ARHGAP20: variants seen among roughly 807,000 people sequenced by gnomAD.
ARHGAP20 encodes Rho GTPase activating protein 20, also known as rho GTPase-activating protein 20.
A neutral mutation model predicts 73.7 loss-of-function variants in ARHGAP20; 34 were observed. The ratio of observed to expected loss-of-function variants is 0.46; its 90% CI spans 0.35 to 0.61. The LOEUF (loss-of-function observed/expected upper bound fraction) is 0.61. Ranked by LOEUF, ARHGAP20 falls within the 20% of genes least tolerant of loss-of-function variation. The pLI, the probability that ARHGAP20 is intolerant of heterozygous loss-of-function variation, is 0.00. For missense variants in ARHGAP20, 1,314 were observed against 1,420.9 expected, an observed-to-expected ratio of 0.92 and a Z score of 1.21; for synonymous variants, 523 against 518.2, an observed-to-expected ratio of 1.01 and a Z score of -0.13.
intron 2 of ARHGAP20, among the ~76,000 whole-genome samples, chr11:110,676,340 G>C (rs1949928144): frequency 6.6e-6 from 1 of 152,158 alleles, no homozygotes; most frequent in South Asian, 2.1e-4. Context: ...ATTTATAAAG[G>C]AAAGAGGTTT....
chr11:110,649,828 A>G lies in ARHGAP20; in HGVS notation c.189-19036T>C, dbSNP rs537370325. Reference sequence around the variant, plus strand: ...ATTTTGGACAGAAGCAGCAGTTTTGACAGTACTTTTTAAAATCTAGTTTTA... The same window carrying G: ...ATTTTGGACAGAAGCAGCAGTTTTGGCAGTACTTTTTAAAATCTAGTTTTA... On this transcript the variant is annotated intron_variant, in intron 2 of 14. Transcript: ENST00000683387. 3.9e-3 allele frequency among the ~76,000 whole-genome samples: 587 copies of G among 152,288 alleles called. 1 individual carries two copies. The highest frequency in any genetic ancestry group is 6.8e-3 in the Middle Eastern group (2 of 294).
intron 4 of ARHGAP20, among the ~76,000 whole-genome samples, chr11:110,621,452 C>CTT (rs34514430): frequency 2.0e-5 from 3 of 150,832 alleles, no homozygotes; most frequent in Non-Finnish European, 3.0e-5. Flanking sequence ...AAAATCTTTG[C>CTT]TTTTTTTTTC....
intron 2 of ARHGAP20, among the ~76,000 whole-genome samples, chr11:110,683,297 G>A (rs1950071030): frequency 6.6e-6 from 1 of 151,968 alleles, no homozygotes; most frequent in Non-Finnish European, 1.5e-5. Context: ...GAGCACTTGT[G>A]GCATTTTGCT....
chr11:110,684,118 A>G (rs1438485884), intron 2 of ARHGAP20, among the ~76,000 whole-genome samples: 1 of 152,138 alleles, frequency 6.6e-6, no homozygotes, highest in Non-Finnish European at 1.5e-5. Context: ...TTATATATAA[A>G]AAGATATATA....
In ARHGAP20 at chr11:110,712,362, G is replaced by C; in HGVS notation, c.-131C>G. On this transcript the variant is annotated 5_prime_UTR_variant, in exon 1 of 15. Coordinates refer to ENST00000683387, the MANE Select transcript of ARHGAP20 (RefSeq NM_001384657.1). ...GTGCTCAGGCAGGGAGCCGAGCTCCGGGTGCTCGCCGCGCGCCTCCCGTCG... is the reference window on the plus strand; with the variant it reads ...GTGCTCAGGCAGGGAGCCGAGCTCCCGGTGCTCGCCGCGCGCCTCCCGTCG... 1.5e-6 allele frequency: 1 copy of C among 651,156 alleles called. No individual in the cohort carries two copies. The allele number at this position is 651,156 out of a possible 1,614,324, so 40.3% of individuals were successfully genotyped here.
chr11:110,622,098 C>T (rs1381875677), intron 4 of ARHGAP20, among the ~76,000 whole-genome samples: 1 of 152,162 alleles, frequency 6.6e-6, no homozygotes, highest in East Asian at 1.9e-4. Context: ...GAGATTCTCC[C>T]CCTCATCCCA....
chr11:110,678,445 T>G (rs933272972), intron 2 of ARHGAP20, among the ~76,000 whole-genome samples: 2 of 152,308 alleles, frequency 1.3e-5, no homozygotes, highest in Admixed American at 1.3e-4. Flanking sequence ...AATTACATGA[T>G]CTGGGGAATT....
intron 2 of ARHGAP20, among the ~76,000 whole-genome samples, chr11:110,641,986 G>C (rs908068001): frequency 6.6e-5 from 10 of 151,960 alleles, no homozygotes; most frequent in African/African-American, 2.4e-4. Context: ...CAATGAACAA[G>C]GTCATCAATA....
At chr11:110,595,667 T>TGGAA (rs1565428780) in intron 9 of ARHGAP20, among the ~76,000 whole-genome samples, 2 of 152,170 alleles carry the variant, frequency 1.3e-5, no homozygotes, top group African/African-American at 4.8e-5. Flanking sequence ...TGGAAGAACA[T>TGGAA]TCCATGCTCA....
chr11:110,647,615 C>T (rs995725299), intron 2 of ARHGAP20, among the ~76,000 whole-genome samples: 2 of 151,840 alleles, frequency 1.3e-5, no homozygotes, highest in Non-Finnish European at 2.9e-5. Context: ...AAGGCACTAA[C>T]TTGTTTCAAA....
chr11:110,703,889 A>G lies in ARHGAP20; in HGVS notation c.105+8238T>C, dbSNP rs76406979. On this transcript the variant is annotated intron_variant, in intron 1 of 14. Transcript: ENST00000683387. ...CACTACATTTTTCACATAATGTTCC[A>G]TACAAAATGATATTTGTACAACCAT... is the stretch of plus-strand genomic sequence containing the variant. Among the ~76,000 whole-genome samples the G allele has an allele frequency of 3.5e-3, 527 of 152,304 alleles. 3 individuals carry two copies. The highest frequency in any genetic ancestry group is 0.012 in the African/African-American group (494 of 41,570).
At chr11:110,697,247 CTTTT>C (rs533912315) in intron 1 of ARHGAP20, among the ~76,000 whole-genome samples, 1 of 150,720 alleles carries the variant, frequency 6.6e-6, no homozygotes, top group African/African-American at 2.4e-5. Flanking sequence ...ATGCCAACAA[CTTTT>C]TTTTTGACTT....
chr11:110,700,330 GC>G (rs879798148), intron 1 of ARHGAP20, among the ~76,000 whole-genome samples: 14 of 151,986 alleles, frequency 9.2e-5, no homozygotes, highest in African/African-American at 1.2e-4. Context: ...CACTGGGAAA[GC>G]TTTTATAGAA....
intron 1 of ARHGAP20, among the ~76,000 whole-genome samples, chr11:110,698,825 C>T (rs1460244695): frequency 6.6e-6 from 1 of 151,702 alleles, no homozygotes; most frequent in Non-Finnish European, 1.5e-5. Context: ...GTTAATTTAG[C>T]CAGCAGTCTG....
chr11:110,609,153 C>CT lies in ARHGAP20; in HGVS notation c.709-104dup, dbSNP rs1948307760. On this transcript the variant is annotated intron_variant, in intron 7 of 14. Coordinates refer to ENST00000683387, the MANE Select transcript of ARHGAP20 (RefSeq NM_001384657.1). ...GGTTATGTGTCCTCCCTCCTGCCCC[C>CT]TACCCAGTGATAGTTAGAGATCCAT... The CT allele has an allele frequency of 3.9e-5, 36 of 931,136 alleles. 1 individual carries two copies. In the South Asian group the frequency reaches 5.2e-4, roughly 13 times the overall value. The allele number at this position is 931,136 out of a possible 1,614,324, so 57.7% of individuals were successfully genotyped here.
chr11:110,698,260 G>A (rs994731147), intron 1 of ARHGAP20, among the ~76,000 whole-genome samples: 1 of 151,760 alleles, frequency 6.6e-6, no homozygotes, highest in Non-Finnish European at 1.5e-5. Context: ...TTGCATCCCT[G>A]GGATAAAACA....
Position 110,624,197 on chromosome 11 carries a change from C to A in ARHGAP20, c.468G>T (p.Leu156Phe). The A allele has an allele frequency of 6.2e-7, 1 of 1,612,990 alleles. No homozygotes were observed. Among genetic ancestry groups the A allele is most frequent in the Non-Finnish European group, 8.5e-7 (1 of 1,179,708 alleles). ...GNTNAMKSFV[L>F]GWPTVNFVAT... ...CCACAAAGTTCACTGTGGGCCAGCCCAAAACAAAGGATTTCATGGCATTGG... is the reference window on the plus strand; with the variant it reads ...CCACAAAGTTCACTGTGGGCCAGCCAAAAACAAAGGATTTCATGGCATTGG... The change falls in exon 4 of 15, where the codon TTG (leucine) becomes TTT (phenylalanine). Residue 156 changes from leucine (L) to phenylalanine (F), a missense_variant. Around this residue, in one of 3 missense-constraint regions of ARHGAP20, gnomAD observed 443 missense variants for 466.4 expected, o/e 0.95. Coordinates refer to ENST00000683387, the MANE Select transcript of ARHGAP20 (RefSeq NM_001384657.1).
chr11:110,626,535 G>A (rs1948747906), intron 3 of ARHGAP20, among the ~76,000 whole-genome samples: 1 of 152,212 alleles, frequency 6.6e-6, no homozygotes, highest in Admixed American at 6.5e-5. Context: ...TCGTAGAGAG[G>A]TTAACCTGCT....
At chr11:110,692,875 G>C (rs1045522361) in intron 1 of ARHGAP20, among the ~76,000 whole-genome samples, 2 of 151,978 alleles carry the variant, frequency 1.3e-5, no homozygotes, top group Non-Finnish European at 2.9e-5. Flanking sequence ...TTGGGTAGTG[G>C]TTTGTTGAGA....
Sources: gnomAD v4.1 joint callset for allele counts (sites outside exome capture counted in the v4.1 genomes callset) on GRCh38, gnomAD v4.1.1 for gene constraint, gnomAD v4.1.1 regional missense constraint, MANE v1.5 for transcripts, NCBI Gene and HGNC (gene_info 2026-07-23, HGNC 2026-07-21) for gene names.